The following FNTB variants were observed in gnomAD, a reference collection of about 807,000 sequenced individuals.
The protein encoded by FNTB is farnesyltransferase, CAAX box, subunit beta.
In FNTB, 27 loss-of-function variants were observed where a neutral mutation model predicts 59.4. That is an observed-to-expected ratio of 0.45 (90% CI 0.34 to 0.63). FNTB has a LOEUF of 0.63. Ranked by LOEUF, FNTB falls within the 20% of genes least tolerant of loss-of-function variation. The pLI is 0.02. For missense variants in FNTB, 449 were observed against 559.6 expected, an observed-to-expected ratio of 0.80 and a Z score of 1.99; for synonymous variants, 230 against 220.7, an observed-to-expected ratio of 1.04 and a Z score of -0.37.
chr14:64,992,256 A>T (rs1888229698), intron 1 of FNTB, among the ~76,000 whole-genome samples: 1 of 152,140 alleles, frequency 6.6e-6, no homozygotes, highest in African/African-American at 2.4e-5. Flanking sequence ...AAAGTCCAAA[A>T]GGTTGTTTTT....
chr14:65,008,017 A>G (rs984318118), intron 2 of FNTB, among the ~76,000 whole-genome samples: 33 of 152,192 alleles, frequency 2.2e-4, no homozygotes, highest in African/African-American at 7.5e-4. Context: ...CGTGTTTTCT[A>G]CTATTCCTGT....
At position 65,032,586 on chromosome 14, in the gene FNTB, T is replaced by C; in HGVS notation, c.606-24T>C. ...ATTAGCTCTTCCGTAGAGCTTAATG[T>C]GTTTCCCGTTTCTGTCTTTCCAGAA... On this transcript the variant is annotated intron_variant, in intron 6 of 11. Transcript: ENST00000246166. The surrounding 1 kb of genome is among the most constrained non-coding windows in gnomAD (Gnocchi z 5.0). 3 of 1,611,620 alleles carry C rather than the reference T, an allele frequency of 1.9e-6. No individual in the cohort carries two copies. The highest frequency in any genetic ancestry group is 1.7e-5 in the Admixed American group (1 of 59,628).
Position 65,011,139 on chromosome 14 carries a change from A to G in FNTB, c.210-1178A>G, listed in dbSNP as rs2061676827. On this transcript the variant is annotated intron_variant, in intron 2 of 11. Transcript: ENST00000246166. The surrounding 1 kb of genome is among the most constrained non-coding windows in gnomAD (Gnocchi z 4.0). ...TGGAAGAGTTTTTGAGGTAAAGACT[A>G]CATGAAGGGCTGGGTGCGGTGGCTC... Among the ~76,000 whole-genome samples, 1 of 152,188 alleles carries G rather than the reference A, an allele frequency of 6.6e-6. No homozygotes were observed. Among genetic ancestry groups the G allele is most frequent in the Admixed American group, 6.5e-5 (1 of 15,278 alleles).
chr14:65,036,972 G>T (rs2062206404), intron 7 of FNTB, among the ~76,000 whole-genome samples: 1 of 152,104 alleles, frequency 6.6e-6, no homozygotes, highest in Non-Finnish European at 1.5e-5. Flanking sequence ...ACTTGATGAT[G>T]AATCTTGATG....
chr14:65,042,422 C>T (rs562040614), intron 8 of FNTB, among the ~76,000 whole-genome samples: 17 of 152,154 alleles, frequency 1.1e-4, no homozygotes, highest in African/African-American at 3.9e-4. Flanking sequence ...GAGCGTGCAA[C>T]CTAGAAGCCT....
In FNTB at chr14:65,061,171, C is replaced by T. The variant is rs751959556; in HGVS notation, c.1183-10C>T. On this transcript the variant is annotated splice_polypyrimidine_tract_variant and intron_variant, in intron 11 of 11. Coordinates refer to ENST00000246166, the MANE Select transcript of FNTB (RefSeq NM_002028.4). ...GGGTGATTAACTGGCACCTTTTCTT[C>T]TCTTTGCAGCAGCCCACTCACCCAG... The T allele has an allele frequency of 6.2e-7, 1 of 1,613,738 alleles. No homozygotes were observed. The highest frequency in any genetic ancestry group is 8.5e-7 in the Non-Finnish European group (1 of 1,179,764).
chr14:65,006,039 A>G (rs2061581537), intron 2 of FNTB: 2 of 1,220,232 alleles, frequency 1.6e-6, no homozygotes, highest in Non-Finnish European at 2.3e-6. Context: ...CTCCTTCATC[A>G]TGTCTCTTGA....
chr14:65,006,259 G>A (rs1243990911), intron 2 of FNTB: 1 of 1,613,554 alleles, frequency 6.2e-7, no homozygotes, highest in Admixed American at 1.7e-5. Flanking sequence ...AAAGACAGGT[G>A]GGAGGGTTAA....
intron 1 of FNTB, among the ~76,000 whole-genome samples, chr14:64,989,764 T>A (rs1464919754): frequency 6.6e-6 from 1 of 152,226 alleles, no homozygotes; most frequent in African/African-American, 2.4e-5. Flanking sequence ...GCATAAGTTG[T>A]TAAACAAAAG....
chr14:65,016,480 T>C (rs1470882102), intron 4 of FNTB: 1 of 152,270 alleles, frequency 6.6e-6, no homozygotes, highest in East Asian at 1.9e-4. Context: ...CAGCTTCCTC[T>C]GGTGCTCTTG....
rs1362973611 is a variant in FNTB at position 65,012,234 on chromosome 14, C to G, written c.210-83C>G. ...GGACGTCCTGAAGCTGAGTGTTTAC[C>G]CGTGTGTGTGTACGTGCACATACGT... On this transcript the variant is annotated intron_variant, in intron 2 of 11. Coordinates refer to ENST00000246166, the MANE Select transcript of FNTB (RefSeq NM_002028.4). This position sits in a 1 kb window ranked among gnomAD's most constrained non-coding sequence, Gnocchi z 5.0. The G allele has an allele frequency of 3.2e-6, 5 of 1,540,326 alleles. No individual in the cohort carries two copies. In the African/African-American group the frequency reaches 6.8e-5, roughly 21 times the overall value.
chr14:65,006,944 GA>G (rs1013524964), intron 2 of FNTB, among the ~76,000 whole-genome samples: 2 of 150,768 alleles, frequency 1.3e-5, no homozygotes, highest in Non-Finnish European at 3.0e-5. Context: ...GTATGGGTGG[GA>G]AAAAAAAAGT....
chr14:65,010,168 C>T (rs907110112), intron 2 of FNTB, among the ~76,000 whole-genome samples: 1 of 152,180 alleles, frequency 6.6e-6, no homozygotes, highest in African/African-American at 2.4e-5. Flanking sequence ...TTCTCTCCTC[C>T]CTGATGGCCT....
In FNTB at chr14:65,061,664, T is replaced by A; in HGVS notation, c.*352T>A. 2.8e-4 allele frequency: 59 copies of A among 210,520 alleles called. No homozygotes were observed. The highest frequency in any genetic ancestry group is 9.1e-4 in the East Asian group (9 of 9,918). 13.0% of individuals were successfully genotyped at this position (210,520 alleles called of 1,614,324 possible). A position where few individuals can be genotyped will look rare whatever the true frequency, so the allele number is the denominator to read the frequency against. On this transcript the variant is annotated 3_prime_UTR_variant, in exon 12 of 12. Coordinates refer to ENST00000246166, the MANE Select transcript of FNTB (RefSeq NM_002028.4). ...GTATTACGGCATCCAGAGCCACTGCTGACTCCCACTTGCACGCCACCATTC... is the reference window on the plus strand; with the variant it reads ...GTATTACGGCATCCAGAGCCACTGCAGACTCCCACTTGCACGCCACCATTC...
In FNTB at chr14:65,004,120, A is replaced by G. The variant is rs536429588; in HGVS notation, c.145-129A>G. Reference sequence around the variant, plus strand: ...TGTCATCCTGCAGAACCCATCTTACAGTACTGTGAAGTTCCAGACCATACC... The same window carrying G: ...TGTCATCCTGCAGAACCCATCTTACGGTACTGTGAAGTTCCAGACCATACC... On this transcript the variant is annotated intron_variant, in intron 1 of 11. Transcript: ENST00000246166. 7 of 888,210 alleles carry G rather than the reference A, an allele frequency of 7.9e-6. No individual in the cohort carries two copies. In the East Asian group the frequency reaches 1.0e-4, roughly 13 times the overall value. The allele number at this position is 888,210 out of a possible 1,614,324, so 55.0% of individuals were successfully genotyped here.
rs1233514850 is a variant in FNTB, at chr14:65,054,204, T to C, written c.1068-371T>C. Among the ~76,000 whole-genome samples the C allele has an allele frequency of 1.3e-5, 2 of 152,044 alleles. No individual in the cohort carries two copies. The highest frequency in any genetic ancestry group is 2.9e-5 in the Non-Finnish European group (2 of 68,018). ...CATGACTCACTGCAGCCTTCACCTCTTGGGCTCGAGTGATCCTCCTGCTTC... is the reference window on the plus strand; with the variant it reads ...CATGACTCACTGCAGCCTTCACCTCCTGGGCTCGAGTGATCCTCCTGCTTC... On this transcript the variant is annotated intron_variant, in intron 10 of 11. Transcript: ENST00000246166. The surrounding 1 kb of genome is among the most constrained non-coding windows in gnomAD (Gnocchi z 4.4).
intron 9 of FNTB, among the ~76,000 whole-genome samples, chr14:65,052,642 C>T (rs748251725): frequency 6.6e-6 from 1 of 152,004 alleles, no homozygotes; most frequent in Admixed American, 6.6e-5. Context: ...ACCAGAATAC[C>T]CAGTTTTTGC....
intron 1 of FNTB, 143 bp downstream of exon 1, chr14:64,987,240 CGGGCGCCCA>C: frequency 9.9e-7 from 1 of 1,013,872 alleles, no homozygotes; most frequent in Admixed American, 2.5e-5. Flanking sequence ...TGGGAAGCTC[CGGGCGCCCA>C]GGCTTGGGCT....
intron 11 of FNTB, 36 bp from the exon 12 acceptor site, chr14:65,061,145 G>A (rs200182527): frequency 3.3e-4 from 540 of 1,611,956 alleles, no homozygotes; most frequent in Middle Eastern, 6.6e-4. Context: ...AAGGACCACC[G>A]GGGTGATTAA....
Sources: allele counts gnomAD v4.1 joint callset (sites outside exome capture counted in the v4.1 genomes callset), GRCh38; gene constraint gnomAD v4.1.1; non-coding constraint Gnocchi (gnomAD v3.1); transcripts MANE v1.5; gene names NCBI Gene and HGNC (gene_info 2026-07-23, HGNC 2026-07-21).